Variants in PTPN4 observed in about 807,000 individuals in gnomAD.
PTPN4 encodes tyrosine-protein phosphatase non-receptor type 4.
Under a neutral mutation model 135.5 loss-of-function variants are expected in PTPN4, and 49 were observed. That is an observed-to-expected ratio of 0.36 (90% CI 0.29 to 0.46). PTPN4 has a LOEUF of 0.46. Ranked by LOEUF, PTPN4 falls within the 20% of genes least tolerant of loss-of-function variation. The pLI is 1.00. For synonymous variants in PTPN4, 333 were observed against 369.9 expected (o/e 0.90, Z 1.14); for missense variants, 860 against 1,101.0 (o/e 0.78, Z 3.10).
At chr2:119,935,215 A>T (rs1678964926) in intron 15 of PTPN4, 1 of 406,282 alleles carries the variant, frequency 2.5e-6, no homozygotes, top group Non-Finnish European at 4.3e-6. Flanking sequence ...ATATTTCTGC[A>T]GATGATGTAG....
chr2:119,934,161 C>T (rs1161108600), intron 14 of PTPN4, among the ~76,000 whole-genome samples: 1 of 151,920 alleles, frequency 6.6e-6, no homozygotes, highest in Non-Finnish European at 1.5e-5. Context: ...GAGCATGGGC[C>T]CTGGAATCAC....
intron 1 of PTPN4, among the ~76,000 whole-genome samples, chr2:119,807,978 A>G (rs36153020): frequency 2.6e-5 from 4 of 152,242 alleles, no homozygotes; most frequent in Admixed American, 6.5e-5. Context: ...CAAAAACCAC[A>G]TGATTATCTC....
At chr2:119,936,907 C>T (rs1358643972) in intron 15 of PTPN4, among the ~76,000 whole-genome samples, 1 of 152,104 alleles carries the variant, frequency 6.6e-6, no homozygotes, top group Non-Finnish European at 1.5e-5. Flanking sequence ...ATTTGACATT[C>T]AACCAGTTTT....
At chr2:119,877,854 A>T (rs891603887) in intron 5 of PTPN4, among the ~76,000 whole-genome samples, 1 of 151,934 alleles carries the variant, frequency 6.6e-6, no homozygotes, top group African/African-American at 2.4e-5. Context: ...AAATGTGCTG[A>T]AATTGTATCC....
rs2105071435 is a variant in PTPN4 at position 119,980,015 on chromosome 2, G to A, written c.*2945G>A. ...CTTTACATTCACCAGAAAATTGATA[G>A]TATTTGTTAAACCAATGCATCCATT... On this transcript the variant is annotated 3_prime_UTR_variant, in exon 27 of 27. Transcript: ENST00000263708. 6.6e-6 allele frequency: 1 copy of A among 152,226 alleles called. No homozygotes were observed. Among genetic ancestry groups the A allele is most frequent in the South Asian group, 2.1e-4 (1 of 4,826 alleles). 9.4% of individuals were successfully genotyped at this position (152,226 alleles called of 1,614,324 possible). A position where few individuals can be genotyped will look rare whatever the true frequency, so the allele number is the denominator to read the frequency against.
intron 2 of PTPN4, among the ~76,000 whole-genome samples, chr2:119,849,472 G>T (rs1054073145): frequency 2.0e-5 from 3 of 151,926 alleles, no homozygotes; most frequent in Non-Finnish European, 4.4e-5. Flanking sequence ...GGCTAATTTT[G>T]TACTGTTTTT....
At chr2:119,944,695 T>C (rs1679107861) in intron 15 of PTPN4, among the ~76,000 whole-genome samples, 1 of 152,200 alleles carries the variant, frequency 6.6e-6, no homozygotes, top group African/African-American at 2.4e-5. Context: ...CTATTTAGGC[T>C]GGAATAGTTA....
chr2:119,918,266 G>C (rs1479481368), intron 11 of PTPN4, among the ~76,000 whole-genome samples: 1 of 152,164 alleles, frequency 6.6e-6, no homozygotes, highest in Non-Finnish European at 1.5e-5. Context: ...ATATCTTAAT[G>C]ACCTTTTGAT....
intron 2 of PTPN4, among the ~76,000 whole-genome samples, chr2:119,845,085 C>A (rs1226730945): frequency 6.7e-6 from 1 of 149,818 alleles, no homozygotes; most frequent in Non-Finnish European, 1.5e-5. Context: ...ACCCCGTCTC[C>A]ACCAAAACCA....
intron 1 of PTPN4, among the ~76,000 whole-genome samples, chr2:119,779,509 C>T (rs549246103): frequency 2.0e-5 from 3 of 150,328 alleles, no homozygotes; most frequent in Admixed American, 6.7e-5. Flanking sequence ...CCCAGCTACT[C>T]GGGAGGCTGG....
At chr2:119,950,041 T>A (rs2105050862) in intron 18 of PTPN4, among the ~76,000 whole-genome samples, 1 of 152,330 alleles carries the variant, frequency 6.6e-6, no homozygotes, top group East Asian at 1.9e-4. Flanking sequence ...ATATTAACTA[T>A]AAGAGAGTTC....
At chr2:119,932,231 C>T (rs1298797388) in intron 13 of PTPN4, 193 bp from the exon 14 acceptor site, 3 of 409,534 alleles carry the variant, frequency 7.3e-6, no homozygotes, top group Non-Finnish European at 1.3e-5. Flanking sequence ...TACCTTTATT[C>T]TTCATATAAA....
intron 22 of PTPN4, among the ~76,000 whole-genome samples, chr2:119,959,739 G>A (rs1270164846): frequency 6.6e-6 from 1 of 152,158 alleles, no homozygotes; most frequent in Non-Finnish European, 1.5e-5. Flanking sequence ...ATAGTTAACA[G>A]CAAACTATAG....
At chr2:119,926,870 A>G (rs1678832312) in intron 13 of PTPN4, among the ~76,000 whole-genome samples, 1 of 152,078 alleles carries the variant, frequency 6.6e-6, no homozygotes, top group African/African-American at 2.4e-5. Context: ...TTTTATATTA[A>G]TAGTGTGCCA....
Position 119,843,757 on chromosome 2 carries a change from C to A in PTPN4, c.139-18779C>A, listed in dbSNP as rs1383570642. 2.0e-4 allele frequency among the ~76,000 whole-genome samples: 10 copies of A among 49,902 alleles called. 1 individual carries two copies. Among genetic ancestry groups the A allele is most frequent in the African/African-American group, 9.6e-4 (10 of 10,456 alleles). The allele number at this position is 49,902 out of a possible 152,430, so 32.7% of individuals were successfully genotyped here. On this transcript the variant is annotated intron_variant, in intron 2 of 26. Coordinates refer to ENST00000263708, the MANE Select transcript of PTPN4 (RefSeq NM_002830.4). Reference sequence around the variant, plus strand: ...GCTGGCCGGGCGGGGGGGCTGACTCCCCCCACCTCCTTCCCGGACGGGGCG... The same window carrying A: ...GCTGGCCGGGCGGGGGGGCTGACTCACCCCACCTCCTTCCCGGACGGGGCG...
chr2:119,895,285 G>T (rs983810920), intron 9 of PTPN4, among the ~76,000 whole-genome samples: 2 of 152,164 alleles, frequency 1.3e-5, no homozygotes, highest in Admixed American at 6.5e-5. Flanking sequence ...CATTGAGTGG[G>T]TTTGCGTTAT....
At chr2:119,820,570 G>A (rs902161815) in intron 2 of PTPN4, among the ~76,000 whole-genome samples, 4 of 152,196 alleles carry the variant, frequency 2.6e-5, no homozygotes, top group African/African-American at 4.8e-5. Context: ...AGATGCTGGT[G>A]TTGGTGTTGA....
At chr2:119,806,161 C>T (rs954612701) in intron 1 of PTPN4, among the ~76,000 whole-genome samples, 4 of 152,206 alleles carry the variant, frequency 2.6e-5, no homozygotes, top group African/African-American at 9.7e-5. Context: ...TAGGAAGAAA[C>T]TGCATCAACT....
Position 119,865,470 on chromosome 2 carries a change from C to T in PTPN4, c.246+2827C>T, listed in dbSNP as rs937791214. On this transcript the variant is annotated intron_variant, in intron 3 of 26. Coordinates refer to ENST00000263708, the MANE Select transcript of PTPN4 (RefSeq NM_002830.4). ...AAGTCAACTAATTTGTTTAATGTCA[C>T]GCAAATTAGTGAAGTAGCTGAGAAA... Among the ~76,000 whole-genome samples the T allele has an allele frequency of 4.6e-5, 7 of 152,070 alleles. No individual in the cohort carries two copies. The East Asian group carries it at 7.7e-4, about 17-fold the overall frequency.
Sources: allele counts gnomAD v4.1 joint callset (sites outside exome capture counted in the v4.1 genomes callset), GRCh38; gene constraint gnomAD v4.1.1; transcripts MANE v1.5; gene names NCBI Gene and HGNC (gene_info 2026-07-23, HGNC 2026-07-21).